The following DHX8 variants were observed in gnomAD, a reference collection of about 807,000 sequenced individuals.
DHX8 encodes ATP-dependent RNA helicase DHX8.
Under a neutral mutation model 140.7 loss-of-function variants are expected in DHX8, and 67 were observed. The ratio of observed to expected loss-of-function variants is 0.48; its 90% CI spans 0.39 to 0.58. DHX8 has a LOEUF of 0.58. Among genes scored for constraint, DHX8 ranks in the 20% least tolerant of loss-of-function variants. The pLI, the probability that DHX8 is intolerant of heterozygous loss-of-function variation, is 0.00. For synonymous variants in DHX8, 533 were observed against 553.2 expected (o/e 0.96, Z 0.51); for missense variants, 887 against 1,550.7 (o/e 0.57, Z 7.19).
At chr17:43,538,606 C>T (rs1028712749) in intron 3 of DHX8, among the ~76,000 whole-genome samples, 3 of 152,226 alleles carry the variant, frequency 2.0e-5, no homozygotes, top group Non-Finnish European at 4.4e-5. Flanking sequence ...CTGGCCTCCC[C>T]AGAGCGGGGC....
At chr17:43,520,443 C>G (rs1412423734) in intron 19 of DHX8, among the ~76,000 whole-genome samples, 176 bp downstream of exon 19, 1 of 152,190 alleles carries the variant, frequency 6.6e-6, no homozygotes, top group Non-Finnish European at 1.5e-5. Flanking sequence ...CTTCTTTATA[C>G]AAAAAGGTGT....
intron 3 of DHX8, among the ~76,000 whole-genome samples, chr17:43,536,782 A>G (rs1598207783): frequency 1.3e-5 from 2 of 152,282 alleles, no homozygotes; most frequent in African/African-American, 4.8e-5. Context: ...AGTGGCCCAC[A>G]GGCCCACGGG....
downstream of DHX8, among the ~76,000 whole-genome samples, chr17:43,527,147 C>T (rs1356944922): frequency 3.9e-5 from 6 of 152,320 alleles, no homozygotes; most frequent in Non-Finnish European, 2.9e-5. Context: ...ATGTTGTCCA[C>T]TTTGCCATTT....
chr17:43,496,347 A>T, intron 9 of DHX8, 79 bp downstream of exon 9: 1 of 947,020 alleles, frequency 1.1e-6, no homozygotes, highest in South Asian at 1.4e-5. Context: ...AGTTTAACCC[A>T]GTGGCTATTA....
Position 43,533,341 on chromosome 17 carries a change from C to T in DHX8, c.351-3071C>T, listed in dbSNP as rs760204430. On this transcript the variant is annotated intron_variant, in intron 2 of 3. Transcript: ENST00000589898. ...TTGATGGCGATTTGTCTGGGGGGGT[C>T]ATAGGCACTGGAGTTGAGAAGGAGA... 3 of 1,612,938 alleles carry T rather than the reference C, an allele frequency of 1.9e-6. No individual in the cohort carries two copies. The South Asian group carries it at 3.3e-5, about 18-fold the overall frequency.
intron 12 of DHX8, among the ~76,000 whole-genome samples, chr17:43,506,358 C>T (rs939460128): frequency 2.6e-5 from 4 of 151,438 alleles, no homozygotes; most frequent in African/African-American, 7.3e-5. Context: ...GTGGCTCACA[C>T]CTGTAATCCC....
At chr17:43,502,571 C>A (rs973466141) in intron 11 of DHX8, among the ~76,000 whole-genome samples, 1 of 151,834 alleles carries the variant, frequency 6.6e-6, no homozygotes, top group Non-Finnish European at 1.5e-5. Flanking sequence ...TACAGGTGAC[C>A]GCCACCACGC....
Position 43,506,985 on chromosome 17 carries a change from A to C in DHX8, c.1729-18A>C. The stretch of plus-strand genomic sequence containing the variant: ...CTGGCAGATTTTAATGACCATATTT[A>C]TATTCTGTTGCTTTCAGGCCGTCCA... On this transcript the variant is annotated intron_variant, in intron 12 of 22. Coordinates refer to ENST00000262415, the MANE Select transcript of DHX8 (RefSeq NM_004941.3). 1 of 1,555,048 alleles carries C rather than the reference A, an allele frequency of 6.4e-7. No homozygotes were observed. Among genetic ancestry groups the C allele is most frequent in the Non-Finnish European group, 8.7e-7 (1 of 1,149,272 alleles).
chr17:43,531,099 G>C (rs903036566), downstream of DHX8, among the ~76,000 whole-genome samples: 2 of 152,206 alleles, frequency 1.3e-5, no homozygotes, highest in Non-Finnish European at 2.9e-5. Context: ...TGGATTTGAG[G>C]ACAGGAGCAC....
chr17:43,528,761 G>T (rs1970721019), downstream of DHX8: 1 of 1,609,264 alleles, frequency 6.2e-7, no homozygotes, highest in South Asian at 1.1e-5. Flanking sequence ...GAGAGAGAAG[G>T]TCTGGTCAGC....
chr17:43,530,727 T>A (rs1970883326), downstream of DHX8, among the ~76,000 whole-genome samples: 1 of 151,952 alleles, frequency 6.6e-6, no homozygotes, highest in African/African-American at 2.4e-5. Context: ...CACATTCCAC[T>A]TCGTTTCATT....
chr17:43,521,014 A>G (rs1970351654), intron 20 of DHX8, 135 bp downstream of exon 20: 2 of 862,956 alleles, frequency 2.3e-6, no homozygotes, highest in Non-Finnish European at 3.2e-6. Context: ...TCTGTTGCCC[A>G]GGCTGGAGTG....
chr17:43,494,208 C>T (rs902541662), intron 8 of DHX8, among the ~76,000 whole-genome samples: 11 of 152,164 alleles, frequency 7.2e-5, no homozygotes, highest in African/African-American at 2.4e-5. Context: ...TACTCACTAT[C>T]GTGACAACAG....
At chr17:43,504,907 G>T in intron 12 of DHX8, 82 bp downstream of exon 12, 1 of 1,307,112 alleles carries the variant, frequency 7.7e-7, no homozygotes. Flanking sequence ...TGAAACTAAC[G>T]GGACAAGTAT....
intron 16 of DHX8, among the ~76,000 whole-genome samples, chr17:43,512,376 G>A (rs1380226026): frequency 1.5e-5 from 2 of 135,806 alleles, no homozygotes; most frequent in Non-Finnish European, 3.1e-5. Flanking sequence ...AACAGAGTGA[G>A]ACTCTATCTC....
chr17:43,484,109 ACTCGAGTACCTGT>A lies in DHX8; in HGVS notation c.75_87del (p.Glu26TrpfsTer24). On this transcript the variant is annotated frameshift_variant, in exon 1 of 23. Transcript: ENST00000262415. LOFTEE classifies it high-confidence loss of function. The stretch of plus-strand genomic sequence containing the variant: ...CAGGCCCCGCGGAAGAACTTGCCAA[ACTCGAGTACCTGT>A]CTTTGGTGTCAAAGGTTTGCACTGA... The A allele has an allele frequency of 6.2e-7, 1 of 1,614,028 alleles. No homozygotes were observed. The highest frequency in any genetic ancestry group is 8.5e-7 in the Non-Finnish European group (1 of 1,179,998).
At chr17:43,508,070 A>C in intron 15 of DHX8, 51 bp downstream of exon 15, 1 of 1,558,640 alleles carries the variant, frequency 6.4e-7, no homozygotes, top group Non-Finnish European at 8.8e-7. Flanking sequence ...TTTCCCTCTT[A>C]GGCCAAAAGT....
At chr17:43,533,941 T>G in intron 2 of DHX8, 1 of 1,550,698 alleles carries the variant, frequency 6.4e-7, no homozygotes, top group African/African-American at 1.4e-5. Flanking sequence ...GTGCGGGGAC[T>G]CTGGGGCTCC....
At position 43,524,805 on chromosome 17, in the gene DHX8, C is replaced by T; in HGVS notation, c.*958C>T. 1.0e-6 allele frequency: 1 copy of T among 985,432 alleles called. No homozygotes were observed. The highest frequency in any genetic ancestry group is 1.1e-4 in the East Asian group (1 of 8,820). The allele number at this position is 985,432 out of a possible 1,614,324, so 61.0% of individuals were successfully genotyped here. A position where few individuals can be genotyped will look rare whatever the true frequency, so the allele number is the denominator to read the frequency against. ...TATGGTCAAAACCTCCCTTTCCCCA[C>T]TCCAAACAGAAAACAAACATAACAC... On this transcript the variant is annotated 3_prime_UTR_variant, in exon 23 of 23. Coordinates refer to ENST00000262415, the MANE Select transcript of DHX8 (RefSeq NM_004941.3).
Sources: allele counts gnomAD v4.1 joint callset (sites outside exome capture counted in the v4.1 genomes callset), GRCh38; gene constraint gnomAD v4.1.1; transcripts MANE v1.5; gene names NCBI Gene and HGNC (gene_info 2026-07-23, HGNC 2026-07-21).